CHN2: variants seen among roughly 807,000 people sequenced by gnomAD.
CHN2 encodes chimerin 2, also known as beta-chimaerin.
CHN2 carries 35 observed loss-of-function variants against 56.3 expected under a neutral mutation model. The observed-to-expected ratio is 0.62, with a 90% CI of 0.47 to 0.82. CHN2 has a LOEUF of 0.82. Ranked by LOEUF, CHN2 falls within the 40% of genes least tolerant of loss-of-function variation. The pLI, the probability that CHN2 is intolerant of heterozygous loss-of-function variation, is 0.00. For synonymous variants in CHN2, 210 were observed against 212.8 expected (o/e 0.99, Z 0.12); for missense variants, 491 against 580.5 (o/e 0.85, Z 1.58).
chr7:29,161,037 T>C (rs895767705), intron 2 of CHN2, among the ~76,000 whole-genome samples: 2 of 152,278 alleles, frequency 1.3e-5, no homozygotes, highest in Non-Finnish European at 2.9e-5. Flanking sequence ...TCTTTTCAAC[T>C]CTATAAACTT....
chr7:29,303,874 A>G (rs1364767890), intron 1 of CHN2, among the ~76,000 whole-genome samples: 3 of 152,194 alleles, frequency 2.0e-5, no homozygotes, highest in African/African-American at 4.8e-5. Flanking sequence ...AGCCTGGCCA[A>G]CGTGGTGAAA....
intron 6 of CHN2, among the ~76,000 whole-genome samples, chr7:29,411,691 C>A (rs1435278830): frequency 2.6e-5 from 4 of 152,106 alleles, no homozygotes; most frequent in African/African-American, 9.7e-5. Flanking sequence ...CTCAATTAGG[C>A]AGGAAGTAGA....
At chr7:29,304,031 G>A (rs1486025173) in intron 1 of CHN2, among the ~76,000 whole-genome samples, 2 of 151,120 alleles carry the variant, frequency 1.3e-5, no homozygotes, top group Non-Finnish European at 2.9e-5. Context: ...CTGCACTCCA[G>A]CCTGGGTGAC....
In CHN2 at chr7:29,320,305, T is replaced by G. The variant is rs548220699; in HGVS notation, c.50-34320T>G. On this transcript the variant is annotated intron_variant, in intron 1 of 12. Transcript: ENST00000222792. ...AGCCACCAAACTGTGGCTTCTAATTTTTGCAGTCTCTGTCTCAAGGGAAGA... is the reference window on the plus strand; with the variant it reads ...AGCCACCAAACTGTGGCTTCTAATTGTTGCAGTCTCTGTCTCAAGGGAAGA... Among the ~76,000 whole-genome samples, 38 of 152,188 alleles carry G rather than the reference T, an allele frequency of 2.5e-4. No homozygotes were observed. In the South Asian group the frequency reaches 6.7e-3, roughly 27 times the overall value.
chr7:29,414,241 G>C (rs940303251), intron 6 of CHN2, among the ~76,000 whole-genome samples: 2 of 152,096 alleles, frequency 1.3e-5, no homozygotes, highest in Non-Finnish European at 2.9e-5. Context: ...GCCTGACCCA[G>C]CTCTCTCTCA....
At chr7:29,213,253 G>T (rs1785091008) in intron 1 of CHN2, 1 of 976,092 alleles carries the variant, frequency 1.0e-6, no homozygotes, top group Non-Finnish European at 1.6e-6. Flanking sequence ...TTCACTCTGG[G>T]TAGTGGCTGA....
chr7:29,399,553 A>G (rs959347669), intron 5 of CHN2, among the ~76,000 whole-genome samples: 6 of 152,178 alleles, frequency 3.9e-5, no homozygotes, highest in South Asian at 2.1e-4. Flanking sequence ...CCGTAGCCCT[A>G]TACATTTCGG....
intron 1 of CHN2, among the ~76,000 whole-genome samples, chr7:29,210,996 A>G (rs1784879646): frequency 6.6e-6 from 1 of 152,116 alleles, no homozygotes; most frequent in East Asian, 1.9e-4. Flanking sequence ...TGGCTTTTAC[A>G]CTGAGATAGG....
intron 1 of CHN2, among the ~76,000 whole-genome samples, chr7:29,287,556 C>T (rs888066699): frequency 6.6e-6 from 1 of 152,136 alleles, no homozygotes; most frequent in African/African-American, 2.4e-5. Context: ...GAGAACAGCA[C>T]CCAGCATTTG....
chr7:29,323,339 T>C (rs60928611), intron 1 of CHN2, among the ~76,000 whole-genome samples: 11,379 of 152,062 alleles, frequency 0.075, 506 homozygotes, highest in East Asian at 0.21. Context: ...CATGATGAGG[T>C]TTTGAATCCT....
intron 1 of CHN2, among the ~76,000 whole-genome samples, chr7:29,335,318 C>T (rs910513582): frequency 1.3e-5 from 2 of 152,136 alleles, no homozygotes; most frequent in Admixed American, 1.3e-4. Context: ...TAAAAACAGC[C>T]CTTGCTGGAG....
chr7:29,193,181 C>T (rs945147570), upstream of CHN2: 4 of 152,132 alleles, frequency 2.6e-5, no homozygotes, highest in African/African-American at 7.2e-5. Context: ...GCTCACACTC[C>T]TTTAACAGTT....
At chr7:29,434,979 G>A (rs1462257993) in intron 6 of CHN2, among the ~76,000 whole-genome samples, 3 of 152,082 alleles carry the variant, frequency 2.0e-5, no homozygotes, top group Admixed American at 2.0e-4. Flanking sequence ...TGTAGTTCCA[G>A]CTACTCAGGA....
intron 6 of CHN2, among the ~76,000 whole-genome samples, chr7:29,426,206 C>A (rs1342745953): frequency 3.4e-3 from 288 of 83,902 alleles, no homozygotes; most frequent in Middle Eastern, 7.9e-3. Context: ...GACTCTGTCT[C>A]AAAAAAAAAA....
chr7:29,444,295 C>A (rs1019971735), intron 6 of CHN2, among the ~76,000 whole-genome samples: 1 of 152,186 alleles, frequency 6.6e-6, no homozygotes, highest in African/African-American at 2.4e-5. Flanking sequence ...GGCTGCATAA[C>A]AAATTACCCC....
At chr7:29,494,205 G>A (rs893278582) in intron 7 of CHN2, among the ~76,000 whole-genome samples, 1 of 151,982 alleles carries the variant, frequency 6.6e-6, no homozygotes, top group African/African-American at 2.4e-5. Flanking sequence ...GACCATTCTG[G>A]TTAAGGTTGG....
intron 1 of CHN2, among the ~76,000 whole-genome samples, chr7:29,280,045 T>C (rs1791557522): frequency 1.3e-5 from 2 of 151,936 alleles, no homozygotes; most frequent in African/African-American, 2.4e-5. Context: ...ACAGAGTTGA[T>C]GGGATGATGA....
chr7:29,271,708 C>G (rs1790659646), intron 1 of CHN2, among the ~76,000 whole-genome samples: 1 of 152,226 alleles, frequency 6.6e-6, no homozygotes, highest in Non-Finnish European at 1.5e-5. Context: ...TTATTTAGGG[C>G]TTTCATTTTA....
intron 6 of CHN2, among the ~76,000 whole-genome samples, chr7:29,454,362 C>T (rs1329796161): frequency 6.6e-6 from 1 of 152,110 alleles, no homozygotes; most frequent in Non-Finnish European, 1.5e-5. Flanking sequence ...TTTCAAATAC[C>T]CAGTATGGCT....
Sources: allele counts gnomAD v4.1 joint callset (sites outside exome capture counted in the v4.1 genomes callset), GRCh38; gene constraint gnomAD v4.1.1; transcripts MANE v1.5; gene names NCBI Gene and HGNC (gene_info 2026-07-23, HGNC 2026-07-21).